CORO7: variants seen among roughly 807,000 people sequenced by gnomAD.
CORO7 encodes the protein coronin 7, also known as coronin-7.
In CORO7, 107 loss-of-function variants were observed where a neutral mutation model predicts 126.6. That is an observed-to-expected ratio of 0.85 (90% CI 0.72 to 0.99). The LOEUF (loss-of-function observed/expected upper bound fraction) is 0.99. Ranked by LOEUF, CORO7 falls within the 50% of genes least tolerant of loss-of-function variation. The probability of loss-of-function intolerance (pLI) is 0.00; values close to 1 mark genes in which losing one functional copy is unlikely to be tolerated. For synonymous variants in CORO7, 603 were observed against 536.8 expected (o/e 1.12, Z -1.70); for missense variants, 1,314 against 1,255.8 (o/e 1.05, Z -0.70).
Position 4,355,379 on chromosome 16 carries a change from G to T in CORO7, c.2686-7C>A. On this transcript the variant is annotated splice_region_variant and splice_polypyrimidine_tract_variant and intron_variant, in intron 26 of 27. Transcript: ENST00000251166. The stretch of plus-strand genomic sequence containing the variant: ...CCACCATGGCATTCAGCAGCTGGGA[G>T]AGAGGGCAGAAGAAGGGTAGGTAAG... 1 of 1,607,184 alleles carries T rather than the reference G, an allele frequency of 6.2e-7. No individual in the cohort carries two copies. The highest frequency in any genetic ancestry group is 1.1e-5 in the South Asian group (1 of 90,544).
chr16:4,360,682 T>G, intron 19 of CORO7, 134 bp from the exon 20 acceptor site: 1 of 1,242,326 alleles, frequency 8.0e-7, no homozygotes, highest in African/African-American at 1.7e-5. Flanking sequence ...ACTGCTGGTC[T>G]TGCCTCTCCT....
chr16:4,363,789 C>T (rs1490582778), intron 14 of CORO7, among the ~76,000 whole-genome samples: 28 of 151,386 alleles, frequency 1.8e-4, no homozygotes, highest in Non-Finnish European at 1.0e-4. Context: ...GAGGCCGAGG[C>T]GGGTGGATCA....
At chr16:4,404,807 CCCCCTGTAGACACTG>C in intron 6 of CORO7, among the ~76,000 whole-genome samples, 1 of 152,120 alleles carries the variant, frequency 6.6e-6, no homozygotes, top group Non-Finnish European at 1.5e-5. Flanking sequence ...TGCCACGCAT[CCCCCTGTAGACACTG>C]CCCCTCCTGC....
At chr16:4,402,389 C>T (rs1205235313) in intron 6 of CORO7, among the ~76,000 whole-genome samples, 2 of 152,012 alleles carry the variant, frequency 1.3e-5, no homozygotes, top group Non-Finnish European at 2.9e-5. Context: ...GGACCACAGG[C>T]GCGTGCCACC....
chr16:4,409,107 C>T (rs559529422), intron 3 of CORO7, among the ~76,000 whole-genome samples: 3 of 152,210 alleles, frequency 2.0e-5, no homozygotes, highest in South Asian at 4.1e-4. Context: ...GGCGGGGTTT[C>T]GGGGTGTGAA....
At chr16:4,404,462 A>G (rs978705655) in intron 6 of CORO7, among the ~76,000 whole-genome samples, 5 of 152,030 alleles carry the variant, frequency 3.3e-5, no homozygotes, top group African/African-American at 1.2e-4. Flanking sequence ...GGGCAGCACT[A>G]TGTGGTCAGC....
At position 4,391,327 on chromosome 16, in the gene CORO7, G is replaced by A. The variant is rs138663762; in HGVS notation, c.616-2696C>T. 2.8e-3 allele frequency among the ~76,000 whole-genome samples: 432 copies of A among 152,234 alleles called. 5 individuals carry two copies. The highest frequency in any genetic ancestry group is 9.8e-3 in the African/African-American group (409 of 41,524). ...TCTTGGCATTTTGGGAGGCCGAGGCGGGTGGATCACCTGAGGTCAGGAGTT... is the reference window on the plus strand; with the variant it reads ...TCTTGGCATTTTGGGAGGCCGAGGCAGGTGGATCACCTGAGGTCAGGAGTT... On this transcript the variant is annotated intron_variant, in intron 7 of 27. Coordinates refer to ENST00000251166, the MANE Select transcript of CORO7 (RefSeq NM_024535.5).
chr16:4,361,461 C>G lies in CORO7; in HGVS notation c.1587G>C (p.Lys529Asn), dbSNP rs1003859043. The change falls in exon 17 of 28, where the codon AAG (lysine) becomes AAC (asparagine). Residue 529 changes from lysine (K) to asparagine (N), a missense_variant. Physicochemically the swap from Lys to Asn is moderately conservative, Grantham distance 94. Transcript: ENST00000251166. Reference sequence around the variant, plus strand: ...GTGCCGTGTCGGGCAGGCGGCCAGGCTTCCGTAGCTGTGGGAGGTGCCCCC... The same window carrying G: ...GTGCCGTGTCGGGCAGGCGGCCAGGGTTCCGTAGCTGTGGGAGGTGCCCCC... ...GGQVAVLELR[K>N]PGRLPDTALP... 6.2e-7 allele frequency: 1 copy of G among 1,611,670 alleles called. No homozygotes were observed. The highest frequency in any genetic ancestry group is 1.3e-5 in the African/African-American group (1 of 75,004).
intron 6 of CORO7, among the ~76,000 whole-genome samples, chr16:4,399,072 G>C (rs1042466592): frequency 6.6e-6 from 1 of 151,864 alleles, no homozygotes; most frequent in African/African-American, 2.4e-5. Context: ...ATGGAAAACA[G>C]TATGGCAGTT....
chr16:4,382,948 G>A (rs1447383432), intron 9 of CORO7: 11 of 1,447,976 alleles, frequency 7.6e-6, no homozygotes, highest in Non-Finnish European at 1.0e-5. Context: ...CCAGTGAGAT[G>A]GCCAGCCCCC....
intron 9 of CORO7, chr16:4,380,812 C>G: frequency 4.2e-6 from 6 of 1,418,466 alleles, no homozygotes; most frequent in Non-Finnish European, 5.5e-6. Flanking sequence ...CCTGGCGTGT[C>G]TGCCTTCTAG....
At chr16:4,394,066 C>T (rs1276131574) in intron 7 of CORO7, among the ~76,000 whole-genome samples, 1 of 151,588 alleles carries the variant, frequency 6.6e-6, no homozygotes, top group Non-Finnish European at 1.5e-5. Flanking sequence ...GCGCCACTGC[C>T]CTCCAGCCTG....
intron 9 of CORO7, among the ~76,000 whole-genome samples, chr16:4,380,052 C>A (rs1346428020): frequency 6.8e-6 from 1 of 146,758 alleles, no homozygotes; most frequent in African/African-American, 2.5e-5. Flanking sequence ...AGCAAGACTC[C>A]GTCTCAAAAA....
At chr16:4,406,547 A>G (rs759348379) in intron 5 of CORO7, among the ~76,000 whole-genome samples, 1 of 151,934 alleles carries the variant, frequency 6.6e-6, no homozygotes, top group Non-Finnish European at 1.5e-5. Flanking sequence ...CGATCCTCCC[A>G]TTTTGGCATC....
chr16:4,388,705 G>C, intron 7 of CORO7, 74 bp from the exon 8 acceptor site: 2 of 1,493,106 alleles, frequency 1.3e-6, no homozygotes, highest in South Asian at 1.2e-5. Flanking sequence ...ATGGGCCTGA[G>C]CTGGGGAACT....
At chr16:4,396,070 G>C (rs147604222) in intron 6 of CORO7, among the ~76,000 whole-genome samples, 115 of 151,702 alleles carry the variant, frequency 7.6e-4, no homozygotes, top group African/African-American at 2.6e-3. Flanking sequence ...CTACAGGCTG[G>C]GCCATAATAA....
chr16:4,396,468 T>G (rs79929778), intron 6 of CORO7, among the ~76,000 whole-genome samples: 250 of 152,376 alleles, frequency 1.6e-3, no homozygotes, highest in African/African-American at 5.7e-3. Context: ...TCTCCATTTG[T>G]GTGACCACGA....
intron 3 of CORO7, 65 bp downstream of exon 3, chr16:4,412,291 A>T (rs2056241142): frequency 1.9e-6 from 3 of 1,579,702 alleles, no homozygotes; most frequent in African/African-American, 2.7e-5. Context: ...GTGAGGATGA[A>T]TTTCTGGCCC....
intron 9 of CORO7, among the ~76,000 whole-genome samples, chr16:4,378,623 C>T (rs1169253128): frequency 9.2e-5 from 14 of 152,068 alleles, no homozygotes; most frequent in Non-Finnish European, 1.2e-4. Context: ...ACACGAGCCC[C>T]CCTGGGGTGG....
Sources: gnomAD v4.1 joint callset for allele counts (sites outside exome capture counted in the v4.1 genomes callset) on GRCh38, gnomAD v4.1.1 for gene constraint, MANE v1.5 for transcripts, NCBI Gene and HGNC (gene_info 2026-07-23, HGNC 2026-07-21) for gene names.